Variants in ZDHHC17 observed in about 807,000 individuals in gnomAD.
ZDHHC17 encodes zDHHC palmitoyltransferase 17.
ZDHHC17 carries 40 observed loss-of-function variants against 90.3 expected under a neutral mutation model. The ratio of observed to expected loss-of-function variants is 0.44; its 90% CI spans 0.34 to 0.58. ZDHHC17 has a LOEUF of 0.58. Ranked by LOEUF, ZDHHC17 falls within the 20% of genes least tolerant of loss-of-function variation. ZDHHC17 has a pLI of 0.01. For missense variants in ZDHHC17, 614 were observed against 780.8 expected, an observed-to-expected ratio of 0.79 and a Z score of 2.55; for synonymous variants, 235 against 252.4, an observed-to-expected ratio of 0.93 and a Z score of 0.65.
intron 1 of ZDHHC17, among the ~76,000 whole-genome samples, chr12:76,782,424 T>C (rs1054113505): frequency 1.3e-5 from 2 of 152,176 alleles, no homozygotes; most frequent in Non-Finnish European, 2.9e-5. Context: ...GTAACAGATA[T>C]ATAAAATAGC....
intron 1 of ZDHHC17, among the ~76,000 whole-genome samples, chr12:76,775,953 C>T (rs1032626990): frequency 2.0e-5 from 3 of 151,950 alleles, no homozygotes; most frequent in African/African-American, 7.3e-5. Flanking sequence ...ATTTTGCTTT[C>T]TCTTTGACCA....
chr12:76,809,622 T>TC, intron 4 of ZDHHC17, 91 bp from the exon 5 acceptor site: 1 of 1,056,350 alleles, frequency 9.5e-7, no homozygotes, highest in Non-Finnish European at 1.3e-6. Context: ...TACGTAATCT[T>TC]CCCACCATAC....
At chr12:76,803,184 T>C (rs4761446) in intron 2 of ZDHHC17, among the ~76,000 whole-genome samples, 70,007 of 151,790 alleles carry the variant, frequency 0.46, 16,495 homozygotes, top group East Asian at 0.65. Flanking sequence ...GCCCTGGGGG[T>C]GGAGATTGCA....
chr12:76,768,477 C>T (rs933644309), intron 1 of ZDHHC17, among the ~76,000 whole-genome samples: 2 of 152,110 alleles, frequency 1.3e-5, no homozygotes, highest in Non-Finnish European at 2.9e-5. Flanking sequence ...GTTAAAATAA[C>T]ATAAAAAAGA....
intron 2 of ZDHHC17, among the ~76,000 whole-genome samples, chr12:76,803,725 A>T (rs929677874): frequency 6.6e-6 from 1 of 152,174 alleles, no homozygotes; most frequent in African/African-American, 2.4e-5. Context: ...ATATATGTTG[A>T]CTTGATAGGA....
chr12:76,844,471 C>T (rs1953471106), intron 12 of ZDHHC17: 1 of 151,814 alleles, frequency 6.6e-6, no homozygotes, highest in African/African-American at 2.4e-5. Context: ...GAAACCCTGT[C>T]TCAAAAAAAG....
At chr12:76,848,788 A>G (rs1164855416) in intron 15 of ZDHHC17, among the ~76,000 whole-genome samples, 2 of 152,164 alleles carry the variant, frequency 1.3e-5, no homozygotes, top group African/African-American at 4.8e-5. Flanking sequence ...CTGTGCAGGA[A>G]TAGCGCCTGT....
chr12:76,781,113 G>A (rs1052567391), intron 1 of ZDHHC17, among the ~76,000 whole-genome samples: 1 of 115,554 alleles, frequency 8.7e-6, no homozygotes, highest in Admixed American at 1.3e-4. Flanking sequence ...CAGCCTGGGC[G>A]ACAAAGCGAG....
chr12:76,798,996 G>T (rs1321127362), intron 2 of ZDHHC17, among the ~76,000 whole-genome samples: 1 of 152,130 alleles, frequency 6.6e-6, no homozygotes, highest in East Asian at 1.9e-4. Flanking sequence ...ACCATGTCAG[G>T]CGTGATGGCA....
chr12:76,837,090 A>G (rs979742787), intron 10 of ZDHHC17, among the ~76,000 whole-genome samples: 5 of 152,112 alleles, frequency 3.3e-5, no homozygotes, highest in Admixed American at 6.6e-5. Flanking sequence ...TCTGGTCTCC[A>G]TGGGGTTTTC....
At chr12:76,797,224 C>T (rs1952830462) in intron 1 of ZDHHC17, among the ~76,000 whole-genome samples, 2 of 152,058 alleles carry the variant, frequency 1.3e-5, no homozygotes, top group African/African-American at 4.8e-5. Flanking sequence ...GATCGCGTCA[C>T]TGCACTCCAG....
chr12:76,822,804 A>G (rs1213974735), intron 8 of ZDHHC17, among the ~76,000 whole-genome samples: 2 of 151,718 alleles, frequency 1.3e-5, no homozygotes, highest in African/African-American at 2.4e-5. Context: ...ACTTCAGGTG[A>G]TACTCCCACC....
chr12:76,813,932 C>T (rs1475058665), intron 5 of ZDHHC17, among the ~76,000 whole-genome samples: 2 of 152,012 alleles, frequency 1.3e-5, no homozygotes, highest in African/African-American at 4.8e-5. Context: ...AAGTCAAAAC[C>T]ATGTCTTATT....
intron 9 of ZDHHC17, among the ~76,000 whole-genome samples, chr12:76,827,952 T>C (rs996078598): frequency 2.0e-5 from 3 of 152,124 alleles, no homozygotes; most frequent in African/African-American, 7.2e-5. Flanking sequence ...TGAAAAGATG[T>C]GCTCCAACTT....
chr12:76,769,626 A>T (rs1412970627), intron 1 of ZDHHC17, among the ~76,000 whole-genome samples: 1 of 152,158 alleles, frequency 6.6e-6, no homozygotes, highest in African/African-American at 2.4e-5. Flanking sequence ...GTTATAGGTC[A>T]TATAATAATA....
chr12:76,813,996 A>G (rs1334936658), intron 5 of ZDHHC17, among the ~76,000 whole-genome samples: 2 of 152,052 alleles, frequency 1.3e-5, no homozygotes, highest in African/African-American at 4.8e-5. Context: ...CCTTTAATAA[A>G]TGGTTTTCGA....
At chr12:76,798,046 T>C (rs1001865935) in intron 2 of ZDHHC17, among the ~76,000 whole-genome samples, 4 of 152,124 alleles carry the variant, frequency 2.6e-5, no homozygotes, top group African/African-American at 9.7e-5. Flanking sequence ...TGCTGATCTT[T>C]CCAGAAGTAT....
Position 76,764,290 on chromosome 12 carries a change from C to A in ZDHHC17, c.54C>A (p.Tyr18Ter). 1 of 1,607,096 alleles carries A rather than the reference C, an allele frequency of 6.2e-7. No homozygotes were observed. The highest frequency in any genetic ancestry group is 8.5e-7 in the Non-Finnish European group (1 of 1,176,966). Residue 18 changes from tyrosine to a stop codon, truncating the protein, a stop_gained, in exon 1 of 17, where the codon TAC becomes TAA. Coordinates refer to ENST00000426126, the MANE Select transcript of ZDHHC17 (RefSeq NM_015336.4). LOFTEE classifies it high-confidence loss of function. The stretch of plus-strand genomic sequence containing the variant: ...AGATGGCGGACGGCCCGGATGAGTA[C>A]GATACCGAAGCGGGCTGTGTGCCCC... ...NTKMADGPDE[Y>*]DTEAGCVPLL...
At chr12:76,789,986 C>G (rs1279418314) in intron 1 of ZDHHC17, among the ~76,000 whole-genome samples, 1 of 152,080 alleles carries the variant, frequency 6.6e-6, no homozygotes, top group African/African-American at 2.4e-5. Context: ...CTAATGAACT[C>G]TGCACAAAGT....
Sources: allele counts gnomAD v4.1 joint callset (sites outside exome capture counted in the v4.1 genomes callset), GRCh38; gene constraint gnomAD v4.1.1; transcripts MANE v1.5; gene names NCBI Gene and HGNC (gene_info 2026-07-23, HGNC 2026-07-21).